Variants in ANKRD42 observed in about 807,000 individuals in gnomAD.
ANKRD42 encodes the protein ankyrin repeat domain-containing protein 42.
In ANKRD42, 43 loss-of-function variants were observed where a neutral mutation model predicts 51.5. The observed-to-expected ratio is 0.83, with a 90% CI of 0.65 to 1.08. ANKRD42 has a LOEUF of 1.08. Among genes scored for constraint, ANKRD42 ranks in the 50% least tolerant of loss-of-function variants. The pLI, the probability that ANKRD42 is intolerant of heterozygous loss-of-function variation, is 0.00. For synonymous variants in ANKRD42, 203 were observed against 213.0 expected (o/e 0.95, Z 0.41); for missense variants, 608 against 629.3 (o/e 0.97, Z 0.36).
At chr11:83,208,072 G>T (rs965453628) in intron 3 of ANKRD42, among the ~76,000 whole-genome samples, 1 of 152,148 alleles carries the variant, frequency 6.6e-6, no homozygotes, top group African/African-American at 2.4e-5. Flanking sequence ...CACCCTGGCT[G>T]GAGTGCAGTG....
intron 5 of ANKRD42, among the ~76,000 whole-genome samples, chr11:83,212,306 T>C (rs1206742708): frequency 6.6e-6 from 1 of 152,170 alleles, no homozygotes; most frequent in Non-Finnish European, 1.5e-5. Flanking sequence ...GGTCTCGAAC[T>C]CCTGGCCTAA....
rs911592825 is a variant in ANKRD42 at position 83,247,999 on chromosome 11, T to A, written c.1379T>A (p.Leu460Ter). 2 of 1,613,724 alleles carry A rather than the reference T, an allele frequency of 1.2e-6. No individual in the cohort carries two copies. The highest frequency in any genetic ancestry group is 4.5e-5 in the East Asian group (2 of 44,858). The change falls in exon 11 of 11, where the codon TTA becomes TAA. Residue 460 changes from leucine (L) to a stop codon, truncating the protein, a stop_gained. Transcript: ENST00000533342. LOFTEE classifies it low-confidence loss of function (END_TRUNC). The part of the protein sequence containing the change: ...LEYERLRREK[L>*]ECQLDEYRAE... ...TATGAACGACTACGTAGAGAAAAAT[T>A]AGAATGTCAGCTTGATGAATATCGA...
At chr11:83,219,770 C>G (rs1432515501) in intron 5 of ANKRD42, among the ~76,000 whole-genome samples, 2 of 152,212 alleles carry the variant, frequency 1.3e-5, no homozygotes, top group Non-Finnish European at 2.9e-5. Flanking sequence ...AGGAAATGCC[C>G]TAAGACTTCT....
chr11:83,258,465 G>A (rs1345285765), downstream of ANKRD42, among the ~76,000 whole-genome samples: 1 of 152,152 alleles, frequency 6.6e-6, no homozygotes, highest in Admixed American at 6.5e-5. Flanking sequence ...GTGACAGCAT[G>A]AGAGGGTGAG....
At chr11:83,219,439 G>A (rs1862645325) in intron 5 of ANKRD42, among the ~76,000 whole-genome samples, 1 of 152,186 alleles carries the variant, frequency 6.6e-6, no homozygotes, top group Non-Finnish European at 1.5e-5. Context: ...CCATAAAACT[G>A]TCCTTCAAGG....
At chr11:83,225,412 C>G (rs923907619) in intron 6 of ANKRD42, among the ~76,000 whole-genome samples, 2 of 151,648 alleles carry the variant, frequency 1.3e-5, no homozygotes, top group African/African-American at 2.4e-5. Context: ...ACAAAAAATA[C>G]AGAAATTAGC....
At chr11:83,203,949 T>C (rs1861968095) in intron 2 of ANKRD42, among the ~76,000 whole-genome samples, 1 of 152,162 alleles carries the variant, frequency 6.6e-6, no homozygotes, top group Admixed American at 6.5e-5. Flanking sequence ...CTCTTCTCTC[T>C]TTTCTCTTTT....
At position 83,248,487 on chromosome 11, in the gene ANKRD42, A is replaced by G; in HGVS notation, c.*283A>G. On this transcript the variant is annotated 3_prime_UTR_variant, in exon 11 of 11. Transcript: ENST00000533342. ...AATCAATCAGAATTCTAAGACAGCT[A>G]GAGGATATGTATATTTTAATATTCT... 1.8e-6 allele frequency: 2 copies of G among 1,091,884 alleles called. No individual in the cohort carries two copies. Among genetic ancestry groups the G allele is most frequent in the Non-Finnish European group, 1.1e-6 (1 of 899,188 alleles). The allele number at this position is 1,091,884 out of a possible 1,614,324, so 67.6% of individuals were successfully genotyped here.
intron 2 of ANKRD42, among the ~76,000 whole-genome samples, chr11:83,202,793 C>G (rs1219129414): frequency 6.6e-6 from 1 of 152,106 alleles, no homozygotes; most frequent in Non-Finnish European, 1.5e-5. Context: ...ATTTTGAGCT[C>G]TTTGAAGATA....
At chr11:83,198,119 A>G (rs190827397) in intron 1 of ANKRD42, among the ~76,000 whole-genome samples, 5 of 152,298 alleles carry the variant, frequency 3.3e-5, no homozygotes. Flanking sequence ...AGTCATCAAC[A>G]TTACCATGTA....
chr11:83,245,697 G>C (rs1447582843), intron 10 of ANKRD42, 73 bp downstream of exon 10: 3 of 1,434,952 alleles, frequency 2.1e-6, no homozygotes, highest in Middle Eastern at 2.2e-4. Flanking sequence ...TTGTTGATCA[G>C]CAACTTTTAC....
downstream of ANKRD42, among the ~76,000 whole-genome samples, chr11:83,257,758 C>T (rs545497606): frequency 1.0e-3 from 159 of 152,250 alleles, no homozygotes; most frequent in Non-Finnish European, 1.9e-3. Flanking sequence ...GTACTTGCTC[C>T]AGTTTTCTCT....
At chr11:83,211,512 G>T in intron 5 of ANKRD42, 82 bp downstream of exon 5, 1 of 1,477,168 alleles carries the variant, frequency 6.8e-7, no homozygotes. Context: ...AATTTAAACT[G>T]TTGGTTGAGC....
At chr11:83,205,445 A>T (rs1467814577) in intron 2 of ANKRD42, among the ~76,000 whole-genome samples, 1 of 152,254 alleles carries the variant, frequency 6.6e-6, no homozygotes, top group Non-Finnish European at 1.5e-5. Context: ...AAAAAGGAAG[A>T]GGTGGTAGCA....
chr11:83,255,191 T>G (rs1439819493), intron 11 of ANKRD42, among the ~76,000 whole-genome samples: 2 of 152,352 alleles, frequency 1.3e-5, no homozygotes, highest in African/African-American at 2.4e-5. Flanking sequence ...GCATGTTTGA[T>G]TAGAAGAATT....
At chr11:83,232,591 C>T (rs2135539665) in intron 7 of ANKRD42, among the ~76,000 whole-genome samples, 1 of 152,174 alleles carries the variant, frequency 6.6e-6, no homozygotes, top group South Asian at 2.1e-4. Context: ...TTGTTTCTTT[C>T]TCTTGTCTTA....
Position 83,198,653 on chromosome 11 carries a change from A to G in ANKRD42, c.222+11A>G, listed in dbSNP as rs745650917. 2 of 1,565,210 alleles carry G rather than the reference A, an allele frequency of 1.3e-6. No individual in the cohort carries two copies. The highest frequency in any genetic ancestry group is 1.7e-6 in the Non-Finnish European group (2 of 1,154,472). Reference sequence around the variant, plus strand: ...TCTGGAAGTTTGGAGGTAAGAAACTATACATATCACTAAACTGAGGTAAGT... The same window carrying G: ...TCTGGAAGTTTGGAGGTAAGAAACTGTACATATCACTAAACTGAGGTAAGT... On this transcript the variant is annotated intron_variant, in intron 2 of 10. Transcript: ENST00000533342.
intron 9 of ANKRD42, among the ~76,000 whole-genome samples, chr11:83,245,160 T>C (rs1863505553): frequency 6.6e-6 from 1 of 152,222 alleles, no homozygotes; most frequent in Admixed American, 6.5e-5. Flanking sequence ...CGCCTCGGCC[T>C]CCCAAAGTGC....
At chr11:83,231,273 CT>C (rs1863063351) in intron 7 of ANKRD42, among the ~76,000 whole-genome samples, 1 of 152,144 alleles carries the variant, frequency 6.6e-6, no homozygotes, top group Non-Finnish European at 1.5e-5. Flanking sequence ...GAGATGATAT[CT>C]TATTTGTACT....
Sources: gnomAD v4.1 joint callset for allele counts (sites outside exome capture counted in the v4.1 genomes callset) on GRCh38, gnomAD v4.1.1 for gene constraint, MANE v1.5 for transcripts, NCBI Gene and HGNC (gene_info 2026-07-23, HGNC 2026-07-21) for gene names.